NT5DC1: variants seen among roughly 807,000 people sequenced by gnomAD.
NT5DC1 encodes the protein 5'-nucleotidase domain-containing protein 1.
A neutral mutation model predicts 59.4 loss-of-function variants in NT5DC1; 42 were observed. The observed-to-expected ratio is 0.71, with a 90% confidence interval of 0.55 to 0.92. The LOEUF is 0.92. NT5DC1 is among the 40% of genes least tolerant of loss of function. NT5DC1 has a pLI of 0.00. For synonymous variants in NT5DC1, 172 were observed against 188.1 expected, an observed-to-expected ratio of 0.91 and a Z score of 0.70; for missense variants, 501 against 537.1, an observed-to-expected ratio of 0.93 and a Z score of 0.66.
chr6:116,107,996 G>A (rs1047971139), intron 2 of NT5DC1, among the ~76,000 whole-genome samples: 1 of 134,400 alleles, frequency 7.4e-6, no homozygotes, highest in Non-Finnish European at 1.6e-5. Flanking sequence ...ATAAATGTGT[G>A]TGTGTGTGTG....
intron 6 of NT5DC1, among the ~76,000 whole-genome samples, chr6:116,191,013 A>G (rs1781104974): frequency 6.6e-6 from 1 of 151,990 alleles, no homozygotes; most frequent in Admixed American, 6.6e-5. Flanking sequence ...TGAGGCTCAG[A>G]GGCCTCAAGT....
Position 116,131,112 on chromosome 6 carries a change from T to C in NT5DC1, c.529+13167T>C, listed in dbSNP as rs142082425. 2.6e-3 allele frequency among the ~76,000 whole-genome samples: 394 copies of C among 152,324 alleles called. 10 individuals are homozygous for C. In the South Asian group the frequency reaches 0.043, roughly 17 times the overall value. On this transcript the variant is annotated intron_variant, in intron 6 of 11. Transcript: ENST00000319550. ...ATATGTTTTCTCTGGTGTTCGGATA[T>C]ATGTTTAACAACCAACCTGAGGGTG... is the stretch of plus-strand genomic sequence containing the variant.
intron 6 of NT5DC1, among the ~76,000 whole-genome samples, chr6:116,210,069 A>G (rs1781545024): frequency 6.6e-6 from 1 of 151,970 alleles, no homozygotes; most frequent in African/African-American, 2.4e-5. Context: ...TAATATGACA[A>G]GGTTGAAGGG....
At chr6:116,215,972 C>G (rs965046057) in intron 6 of NT5DC1, among the ~76,000 whole-genome samples, 1 of 152,022 alleles carries the variant, frequency 6.6e-6, no homozygotes, top group Non-Finnish European at 1.5e-5. Flanking sequence ...TTAAACTGTT[C>G]GAATAATTTT....
chr6:116,204,375 A>G (rs1781405862), intron 6 of NT5DC1, among the ~76,000 whole-genome samples: 1 of 152,002 alleles, frequency 6.6e-6, no homozygotes, highest in Admixed American at 6.6e-5. Flanking sequence ...AAAAAGATGC[A>G]CTACCTAATT....
chr6:116,102,205 C>G (rs550436155), intron 1 of NT5DC1, among the ~76,000 whole-genome samples: 1 of 152,180 alleles, frequency 6.6e-6, no homozygotes, highest in African/African-American at 2.4e-5. Context: ...AGGGTTGTGC[C>G]CCATTATGGG....
At chr6:116,157,818 C>A (rs536514296) in intron 6 of NT5DC1, among the ~76,000 whole-genome samples, 5 of 152,296 alleles carry the variant, frequency 3.3e-5, no homozygotes, top group African/African-American at 1.2e-4. Context: ...ACCCAGCTGA[C>A]CTGACTCACC....
chr6:116,176,929 G>A (rs114768455), intron 6 of NT5DC1, among the ~76,000 whole-genome samples: 204 of 152,214 alleles, frequency 1.3e-3, no homozygotes, highest in African/African-American at 4.2e-3. Context: ...TTTTTGCCCC[G>A]TGTAATTTTA....
chr6:116,176,254 T>A (rs946123308), intron 6 of NT5DC1, among the ~76,000 whole-genome samples: 3 of 152,186 alleles, frequency 2.0e-5, no homozygotes, highest in African/African-American at 7.2e-5. Context: ...CCAGCTAATG[T>A]TTCAGCTGTC....
chr6:116,134,009 A>C (rs1779529837), intron 6 of NT5DC1, among the ~76,000 whole-genome samples: 1 of 152,204 alleles, frequency 6.6e-6, no homozygotes, highest in African/African-American at 2.4e-5. Flanking sequence ...CTTGCCACTT[A>C]TGATGCTAAT....
Position 116,246,699 on chromosome 6 carries a change from A to G in NT5DC1, c.*2675A>G, listed in dbSNP as rs1771855312. The stretch of plus-strand genomic sequence containing the variant: ...GCCTCTTGAGTACAAGAAGACTATC[A>G]TAAGAGTTAGTTCCAGATTGGTGCA... On this transcript the variant is annotated 3_prime_UTR_variant, in exon 12 of 12. Coordinates refer to ENST00000319550, the MANE Select transcript of NT5DC1 (RefSeq NM_152729.3). 6.6e-6 allele frequency: 1 copy of G among 152,152 alleles called. No individual in the cohort carries two copies. Among genetic ancestry groups the G allele is most frequent in the Non-Finnish European group, 1.5e-5 (1 of 67,996 alleles). The allele number at this position is 152,152 out of a possible 1,614,324, so 9.4% of individuals were successfully genotyped here. A position where few individuals can be genotyped will look rare whatever the true frequency, so the allele number is the denominator to read the frequency against.
chr6:116,166,975 C>T (rs1391509164), intron 6 of NT5DC1, among the ~76,000 whole-genome samples: 2 of 151,968 alleles, frequency 1.3e-5, no homozygotes, highest in Non-Finnish European at 2.9e-5. Context: ...TTTTGGGGAG[C>T]CTACTCTGTA....
chr6:116,145,467 G>C (rs971718066), intron 6 of NT5DC1: 1 of 383,920 alleles, frequency 2.6e-6, no homozygotes, highest in Admixed American at 2.4e-5. Flanking sequence ...CTTGCTTCAG[G>C]ATATATCTAC....
rs1778631905 is a variant in NT5DC1 at position 116,101,012 on chromosome 6, G to A, written c.82G>A (p.Glu28Lys). ...DHTLCRYNLP[E>K]SAPLIYNSFA... ...CACTCTGTGTCGCTACAACCTGCCC[G>A]AGAGCGCCCCGGTGAGTGGCGCGGG... Residue 28 changes from glutamate to lysine, a missense_variant, in exon 1 of 12, where the codon GAG (glutamate) becomes AAG (lysine). Physicochemically the swap from Glu to Lys is moderately conservative, Grantham distance 56 (BLOSUM62 1). Transcript: ENST00000319550. 1.3e-6 allele frequency: 2 copies of A among 1,598,224 alleles called. No individual in the cohort carries two copies. Among genetic ancestry groups the A allele is most frequent in the Non-Finnish European group, 8.5e-7 (1 of 1,173,982 alleles).
chr6:116,124,846 A>AT (rs1443550096), intron 6 of NT5DC1, among the ~76,000 whole-genome samples: 1 of 152,116 alleles, frequency 6.6e-6, no homozygotes, highest in African/African-American at 2.4e-5. Context: ...ACATTTGTTC[A>AT]TTGTTGGGGG....
At chr6:116,201,785 C>T (rs1781352662) in intron 6 of NT5DC1, among the ~76,000 whole-genome samples, 1 of 151,960 alleles carries the variant, frequency 6.6e-6, no homozygotes, top group Non-Finnish European at 1.5e-5. Flanking sequence ...GAGTATTTCC[C>T]CTTCTAGCCT....
At chr6:116,242,482 CAAAAA>C (rs778188431) in intron 11 of NT5DC1, among the ~76,000 whole-genome samples, 1 of 122,608 alleles carries the variant, frequency 8.2e-6, no homozygotes. Flanking sequence ...TAACAGTAAC[CAAAAA>C]AAAAAAAAGA....
intron 6 of NT5DC1, 187 bp downstream of exon 6, chr6:116,118,132 A>G: frequency 1.6e-6 from 1 of 618,448 alleles, no homozygotes; most frequent in Non-Finnish European, 2.9e-6. Context: ...TTTCATGGCT[A>G]TAATTGCCCA....
rs758123296 is a variant in NT5DC1 at position 116,101,031 on chromosome 6, G to A, written c.93+8G>A. 3.8e-5 allele frequency: 60 copies of A among 1,581,206 alleles called. No homozygotes were observed. The highest frequency in any genetic ancestry group is 3.8e-5 in the Non-Finnish European group (44 of 1,163,386). On this transcript the variant is annotated splice_region_variant and intron_variant, in intron 1 of 11. Transcript: ENST00000319550. ...CTGCCCGAGAGCGCCCCGGTGAGTG[G>A]CGCGGGCTCCGGGGCGCACTGCGCG... is the stretch of plus-strand genomic sequence containing the variant.
Sources: gnomAD v4.1 joint callset for allele counts (sites outside exome capture counted in the v4.1 genomes callset) on GRCh38, gnomAD v4.1.1 for gene constraint, MANE v1.5 for transcripts, NCBI Gene and HGNC (gene_info 2026-07-23, HGNC 2026-07-21) for gene names.